Variants in LRP1B observed in about 807,000 individuals in gnomAD.
LRP1B encodes the protein LDL receptor related protein 1B.
Under a neutral mutation model 556.6 loss-of-function variants are expected in LRP1B, and 217 were observed. That is an observed-to-expected ratio of 0.39 (90% CI 0.35 to 0.44). LRP1B has a LOEUF of 0.44. Among genes scored for constraint, LRP1B ranks in the 20% least tolerant of loss-of-function variants. The probability of loss-of-function intolerance (pLI) is 1.00; values close to 1 mark genes in which losing one functional copy is unlikely to be tolerated. For missense variants in LRP1B, 5,053 were observed against 5,620.8 expected, an observed-to-expected ratio of 0.90 and a Z score of 3.23; for synonymous variants, 2,047 against 1,865.8, an observed-to-expected ratio of 1.10 and a Z score of -2.50.
intron 3 of LRP1B, among the ~76,000 whole-genome samples, chr2:141,340,186 A>AGTT (rs1291982899): frequency 6.6e-6 from 1 of 152,216 alleles, no homozygotes; most frequent in Non-Finnish European, 1.5e-5. Flanking sequence ...ACTTTTGAAT[A>AGTT]GTTTGGAATA....
At chr2:141,752,866 C>A (rs1177263564) in intron 2 of LRP1B, among the ~76,000 whole-genome samples, 1 of 138,920 alleles carries the variant, frequency 7.2e-6, no homozygotes, top group African/African-American at 2.6e-5. Flanking sequence ...ATCACTTGAG[C>A]CCGGGAGGTT....
intron 3 of LRP1B, among the ~76,000 whole-genome samples, chr2:141,434,415 A>G (rs1421389338): frequency 5.9e-5 from 9 of 151,880 alleles, no homozygotes; most frequent in South Asian, 4.2e-4. Context: ...GCACTTTTCA[A>G]CTGCAGATTT....
At chr2:141,333,584 G>A (rs1245467225) in intron 3 of LRP1B, among the ~76,000 whole-genome samples, 1 of 152,152 alleles carries the variant, frequency 6.6e-6, no homozygotes, top group Admixed American at 6.5e-5. Context: ...TACAAATTAT[G>A]TTTGCTCTTT....
At chr2:140,733,983 G>C (rs553319713) in intron 35 of LRP1B, among the ~76,000 whole-genome samples, 2 of 152,212 alleles carry the variant, frequency 1.3e-5, no homozygotes, top group Admixed American at 6.5e-5. Flanking sequence ...GCAGGCCCTG[G>C]GAATACTCCT....
intron 43 of LRP1B, among the ~76,000 whole-genome samples, chr2:140,576,455 T>G (rs918510968): frequency 6.6e-6 from 1 of 152,216 alleles, no homozygotes; most frequent in Admixed American, 6.5e-5. Flanking sequence ...CAGAACGTAG[T>G]TACTCAGACT....
At chr2:141,316,739 G>T (rs906839885) in intron 3 of LRP1B, among the ~76,000 whole-genome samples, 1 of 152,214 alleles carries the variant, frequency 6.6e-6, no homozygotes, top group Non-Finnish European at 1.5e-5. Context: ...ACGCTGACTC[G>T]CATTAAGTTG....
intron 1 of LRP1B, among the ~76,000 whole-genome samples, chr2:141,907,832 C>G (rs1431893086): frequency 1.3e-5 from 2 of 152,010 alleles, no homozygotes; most frequent in Non-Finnish European, 2.9e-5. Flanking sequence ...TTTCCTGCTC[C>G]CTTTTTGCTT....
At chr2:141,726,976 A>G (rs1318275438) in intron 2 of LRP1B, among the ~76,000 whole-genome samples, 1 of 152,122 alleles carries the variant, frequency 6.6e-6, no homozygotes, top group African/African-American at 2.4e-5. Flanking sequence ...TGTGATCTAG[A>G]ATTGGGTAAT....
chr2:141,386,511 T>C (rs188223338), intron 3 of LRP1B, among the ~76,000 whole-genome samples: 14 of 152,054 alleles, frequency 9.2e-5, no homozygotes, highest in Admixed American at 2.6e-4. Flanking sequence ...TAGCTTGAAG[T>C]GAAATGATGG....
At chr2:140,680,119 G>A (rs1685810525) in intron 41 of LRP1B, among the ~76,000 whole-genome samples, 1 of 151,936 alleles carries the variant, frequency 6.6e-6, no homozygotes, top group African/African-American at 2.4e-5. Flanking sequence ...CCTCGTTCCA[G>A]GGCCCACTTA....
intron 5 of LRP1B, among the ~76,000 whole-genome samples, chr2:141,242,079 C>A (rs977183158): frequency 1.3e-5 from 2 of 152,020 alleles, no homozygotes; most frequent in Admixed American, 6.6e-5. Flanking sequence ...TAATATGTTA[C>A]CCTTCCTAAG....
intron 1 of LRP1B, among the ~76,000 whole-genome samples, chr2:141,945,108 C>T (rs544946590): frequency 1.0e-3 from 157 of 152,242 alleles, no homozygotes; most frequent in Non-Finnish European, 1.5e-3. Flanking sequence ...AAACATGAGT[C>T]GTTTTTGGAG....
intron 66 of LRP1B, among the ~76,000 whole-genome samples, chr2:140,409,018 G>A (rs572329417): frequency 2.0e-5 from 3 of 151,982 alleles, no homozygotes; most frequent in South Asian, 4.2e-4. Context: ...CCTCTGAAAG[G>A]AGCATTTATA....
intron 6 of LRP1B, among the ~76,000 whole-genome samples, chr2:141,189,305 T>C (rs1172161936): frequency 1.3e-5 from 2 of 151,908 alleles, no homozygotes; most frequent in African/African-American, 4.8e-5. Context: ...GAGTATGGGA[T>C]TTCAGCTATA....
intron 1 of LRP1B, among the ~76,000 whole-genome samples, chr2:142,048,612 T>G (rs1171329047): frequency 2.0e-5 from 3 of 152,120 alleles, no homozygotes; most frequent in Non-Finnish European, 4.4e-5. Context: ...TATTTACACT[T>G]GCTACTAGTC....
chr2:141,190,649 C>G (rs946496551), intron 6 of LRP1B, among the ~76,000 whole-genome samples: 2 of 151,964 alleles, frequency 1.3e-5, no homozygotes, highest in Non-Finnish European at 2.9e-5. Flanking sequence ...TGGTCTGTTT[C>G]CCTCAATAAT....
At chr2:141,632,403 C>T (rs1398742068) in intron 2 of LRP1B, among the ~76,000 whole-genome samples, 1 of 152,116 alleles carries the variant, frequency 6.6e-6, no homozygotes, top group Admixed American at 6.6e-5. Context: ...CAGAGAGTAA[C>T]AGAATGCATT....
At chr2:140,695,265 G>A (rs1156580494) in intron 41 of LRP1B, among the ~76,000 whole-genome samples, 1 of 151,926 alleles carries the variant, frequency 6.6e-6, no homozygotes, top group Non-Finnish European at 1.5e-5. Context: ...ATTCATTTGA[G>A]TTTTTGCTCC....
chr2:140,869,321 G>A (rs1693052588), intron 25 of LRP1B, among the ~76,000 whole-genome samples: 1 of 152,058 alleles, frequency 6.6e-6, no homozygotes, highest in Non-Finnish European at 1.5e-5. Context: ...TGAACTGCAG[G>A]AGTGAAAGAG....
Sources: gnomAD v4.1 joint callset for allele counts (sites outside exome capture counted in the v4.1 genomes callset) on GRCh38, gnomAD v4.1.1 for gene constraint, MANE v1.5 for transcripts, NCBI Gene and HGNC (gene_info 2026-07-23, HGNC 2026-07-21) for gene names.